The following DSCAML1 variants were observed in gnomAD, a reference collection of about 807,000 sequenced individuals.
The protein encoded by DSCAML1 is cell adhesion molecule DSCAML1.
DSCAML1 carries 38 observed loss-of-function variants against 200.5 expected under a neutral mutation model. The observed-to-expected ratio is 0.19, with a 90% CI of 0.15 to 0.25. The LOEUF (loss-of-function observed/expected upper bound fraction) is 0.25, where lower values mean the gene tolerates loss of function less well. Among genes scored for constraint, DSCAML1 ranks in the 10% least tolerant of loss-of-function variants. DSCAML1 has a pLI of 1.00. For missense variants in DSCAML1, 2,223 were observed against 2,858.8 expected (o/e 0.78, Z 5.07); for synonymous variants, 1,215 against 1,165.0 (o/e 1.04, Z -0.87).
chr11:117,577,460 T>C (rs368790944), intron 3 of DSCAML1, among the ~76,000 whole-genome samples: 14 of 39,204 alleles, frequency 3.6e-4, no homozygotes, highest in East Asian at 1.2e-3. Flanking sequence ...TTCCTTCCTT[T>C]CCTTCCTTCC....
intron 1 of DSCAML1, among the ~76,000 whole-genome samples, chr11:117,812,747 C>T (rs1207897143): frequency 7.0e-6 from 1 of 143,848 alleles, no homozygotes. Context: ...TGATCGTGTC[C>T]GACTAATCTC....
chr11:117,730,155 T>C (rs949451569), intron 3 of DSCAML1, among the ~76,000 whole-genome samples: 10 of 151,882 alleles, frequency 6.6e-5, no homozygotes, highest in Non-Finnish European at 8.8e-5. Context: ...GCTGAGACCA[T>C]GCCACCGCAC....
intron 3 of DSCAML1, among the ~76,000 whole-genome samples, chr11:117,539,811 T>C (rs1016986559): frequency 2.0e-5 from 3 of 152,112 alleles, no homozygotes; most frequent in Non-Finnish European, 2.9e-5. Flanking sequence ...GGGAGAGAGA[T>C]ATTTGCACAC....
chr11:117,428,283 CTGCGG>C lies in DSCAML1; in HGVS notation c.*40_*44del. 9.1e-7 allele frequency: 1 copy of C among 1,102,582 alleles called. No individual in the cohort carries two copies. Among genetic ancestry groups the C allele is most frequent in the South Asian group, 1.3e-5 (1 of 75,630 alleles). 68.3% of individuals were successfully genotyped at this position (1,102,582 alleles called of 1,614,324 possible). A position where few individuals can be genotyped will look rare whatever the true frequency, so the allele number is the denominator to read the frequency against. ...AAAACAGCCGAGCTGGCGTGTGGGG[CTGCGG>C]CGCGGCGCGGTCCAGGCGTGGCTGC... On this transcript the variant is annotated 3_prime_UTR_variant, in exon 33 of 33. Transcript: ENST00000651296.
rs1046089005 is a variant in DSCAML1 at position 117,514,861 on chromosome 11, C to T, written c.1783+1606G>A. On this transcript the variant is annotated intron_variant, in intron 8 of 32. Transcript: ENST00000651296. ...CTTCCCAAAGTGCTGGGATTACAGGCGTGGGCCACTGCACCCGGCCTTTCT... is the reference window on the plus strand; with the variant it reads ...CTTCCCAAAGTGCTGGGATTACAGGTGTGGGCCACTGCACCCGGCCTTTCT... Among the ~76,000 whole-genome samples, 7 of 152,228 alleles carry T rather than the reference C, an allele frequency of 4.6e-5. No individual in the cohort carries two copies. The East Asian group carries it at 5.8e-4, about 13-fold the overall frequency.
chr11:117,524,821 G>A lies in DSCAML1; in HGVS notation c.921C>T (p.Gly307=). The change falls in exon 5 of 33, where the codon GGC becomes GGT. Residue 307 remains glycine, a synonymous_variant. Transcript: ENST00000651296. ...CCGACTCACCAATGACCATGAGGATGCCTGTGGCCTCTGCCGAACCGAAGG... is the reference window on the plus strand; with the variant it reads ...CCGACTCACCAATGACCATGAGGATACCTGTGGCCTCTGCCGAACCGAAGG... ...TNTFGSAEAT[G]ILMVIDPLHV... 6.3e-7 allele frequency: 1 copy of A among 1,585,940 alleles called. No individual in the cohort carries two copies. Among genetic ancestry groups the A allele is most frequent in the Non-Finnish European group, 8.6e-7 (1 of 1,164,898 alleles).
At position 117,503,737 on chromosome 11, in the gene DSCAML1, C is replaced by T; in HGVS notation, c.2359+108G>A. Reference sequence around the variant, plus strand: ...CTCACTAGGAAGCCTTCCTGCCTCCCCTTCATAGATGAAACGACGGAGACT... The same window carrying T: ...CTCACTAGGAAGCCTTCCTGCCTCCTCTTCATAGATGAAACGACGGAGACT... On this transcript the variant is annotated intron_variant, in intron 11 of 32. Transcript: ENST00000651296. This position sits in a 1 kb window ranked among gnomAD's most constrained non-coding sequence, Gnocchi z 5.2. The T allele has an allele frequency of 7.7e-7, 1 of 1,299,302 alleles. No homozygotes were observed. The highest frequency in any genetic ancestry group is 1.5e-5 in the South Asian group (1 of 66,406). 80.5% of individuals were successfully genotyped at this position (1,299,302 alleles called of 1,614,324 possible).
chr11:117,531,070 T>G (rs950006519), intron 4 of DSCAML1, among the ~76,000 whole-genome samples: 1 of 152,142 alleles, frequency 6.6e-6, no homozygotes, highest in Non-Finnish European at 1.5e-5. Context: ...AAAATGCCAG[T>G]GTGCATCGCG....
intron 3 of DSCAML1, among the ~76,000 whole-genome samples, chr11:117,628,601 C>G (rs1283118913): frequency 6.6e-6 from 1 of 152,202 alleles, no homozygotes; most frequent in African/African-American, 2.4e-5. Flanking sequence ...TGAAGCATCT[C>G]CTCCTTGGAC....
At chr11:117,791,726 T>C (rs1474233249) in intron 1 of DSCAML1, among the ~76,000 whole-genome samples, 1 of 152,216 alleles carries the variant, frequency 6.6e-6, no homozygotes, top group Non-Finnish European at 1.5e-5. Context: ...TTCTTATTGT[T>C]ATAAAGTCTA....
At chr11:117,689,255 G>A (rs1177101451) in intron 3 of DSCAML1, among the ~76,000 whole-genome samples, 10 of 152,328 alleles carry the variant, frequency 6.6e-5, no homozygotes, top group South Asian at 2.1e-4. Flanking sequence ...AGCTGTTTGC[G>A]TGTTGCTTTT....
At chr11:117,641,151 C>A (rs992127854) in intron 3 of DSCAML1, among the ~76,000 whole-genome samples, 1 of 152,248 alleles carries the variant, frequency 6.6e-6, no homozygotes, top group African/African-American at 2.4e-5. Context: ...AGCCATCCAG[C>A]CAAGTACGCT....
At chr11:117,513,613 C>A (rs1000539881) in intron 8 of DSCAML1, among the ~76,000 whole-genome samples, 6 of 151,818 alleles carry the variant, frequency 4.0e-5, no homozygotes, top group Non-Finnish European at 8.8e-5. Flanking sequence ...TGGTGGCGTG[C>A]GCCTGTAGTC....
intron 16 of DSCAML1, among the ~76,000 whole-genome samples, chr11:117,468,107 T>G (rs911850583): frequency 6.6e-6 from 1 of 151,952 alleles, no homozygotes; most frequent in African/African-American, 2.4e-5. Flanking sequence ...TCCTTCTCTG[T>G]CCCCCGCCTC....
chr11:117,772,195 G>A (rs535101396), intron 3 of DSCAML1, among the ~76,000 whole-genome samples: 1 of 152,138 alleles, frequency 6.6e-6, no homozygotes. Flanking sequence ...TGAGAGCTAT[G>A]AAAACCCATT....
At chr11:117,442,233 TGC>T (rs1204683028) in intron 21 of DSCAML1, among the ~76,000 whole-genome samples, 26 of 150,542 alleles carry the variant, frequency 1.7e-4, no homozygotes, top group Non-Finnish European at 3.4e-4. Context: ...AGTGTGTGTG[TGC>T]GTGTGTATGC....
intron 3 of DSCAML1, among the ~76,000 whole-genome samples, chr11:117,618,369 T>C (rs2051855014): frequency 6.6e-6 from 1 of 152,230 alleles, no homozygotes; most frequent in South Asian, 2.1e-4. Context: ...TTAAATTTAT[T>C]TCCCTGGAAC....
chr11:117,662,588 G>A (rs1279842998), intron 3 of DSCAML1, among the ~76,000 whole-genome samples: 1 of 152,196 alleles, frequency 6.6e-6, no homozygotes, highest in Admixed American at 6.5e-5. Context: ...TTGGCTCCAG[G>A]CAACAGCCTA....
intron 3 of DSCAML1, among the ~76,000 whole-genome samples, chr11:117,663,661 C>G (rs1380539493): frequency 6.6e-6 from 1 of 152,194 alleles, no homozygotes; most frequent in Admixed American, 6.5e-5. Context: ...CTGCCCTTTC[C>G]CTACAGGGAT....
Sources: allele counts gnomAD v4.1 joint callset (sites outside exome capture counted in the v4.1 genomes callset), GRCh38; gene constraint gnomAD v4.1.1; non-coding constraint Gnocchi (gnomAD v3.1); transcripts MANE v1.5; gene names NCBI Gene and HGNC (gene_info 2026-07-23, HGNC 2026-07-21).